KCTD8: variants seen among roughly 807,000 people sequenced by gnomAD.
The protein encoded by KCTD8 is BTB/POZ domain-containing protein KCTD8.
In KCTD8, 27 loss-of-function variants were observed where a neutral mutation model predicts 31.5. The ratio of observed to expected loss-of-function variants is 0.86; its 90% CI spans 0.63 to 1.18. The LOEUF (loss-of-function observed/expected upper bound fraction) is 1.18. KCTD8 is among the 50% of genes most tolerant of loss of function. The probability of loss-of-function intolerance (pLI) is 0.00; values close to 1 mark genes in which losing one functional copy is unlikely to be tolerated. For missense variants in KCTD8, 658 were observed against 647.7 expected (o/e 1.02, Z -0.17); for synonymous variants, 290 against 280.0 (o/e 1.04, Z -0.36).
intron 1 of KCTD8, among the ~76,000 whole-genome samples, chr4:44,213,171 C>G (rs549314716): frequency 3.3e-5 from 5 of 152,132 alleles, no homozygotes; most frequent in Non-Finnish European, 1.5e-5. Context: ...CTCCTGACCT[C>G]GTGATCCGCC....
At chr4:44,284,731 G>A (rs1370955052) in intron 1 of KCTD8, among the ~76,000 whole-genome samples, 1 of 152,100 alleles carries the variant, frequency 6.6e-6, no homozygotes, top group Non-Finnish European at 1.5e-5. Context: ...ATCTGACAAA[G>A]GGCTAATATC....
At chr4:44,310,491 G>A (rs1717918350) in intron 1 of KCTD8, among the ~76,000 whole-genome samples, 1 of 152,028 alleles carries the variant, frequency 6.6e-6, no homozygotes, top group Admixed American at 6.6e-5. Flanking sequence ...TCCTGATATG[G>A]CCTAAACCAC....
intron 1 of KCTD8, among the ~76,000 whole-genome samples, chr4:44,197,715 A>G (rs962395128): frequency 1.2e-4 from 18 of 152,182 alleles, no homozygotes; most frequent in African/African-American, 4.3e-4. Context: ...CTCAGATGGG[A>G]AAAAATCAGC....
intron 1 of KCTD8, among the ~76,000 whole-genome samples, chr4:44,429,885 G>T (rs918929881): frequency 1.3e-5 from 2 of 151,698 alleles, no homozygotes; most frequent in African/African-American, 4.8e-5. Flanking sequence ...TGGGTTCAGT[G>T]TGGACAGGTT....
At chr4:44,177,432 G>A (rs1006371069) in intron 1 of KCTD8, among the ~76,000 whole-genome samples, 3 of 152,106 alleles carry the variant, frequency 2.0e-5, no homozygotes, top group South Asian at 2.1e-4. Flanking sequence ...GCCTACAGGT[G>A]TTGATGTGGT....
chr4:44,266,704 C>A (rs1197799194), intron 1 of KCTD8, among the ~76,000 whole-genome samples: 1 of 151,420 alleles, frequency 6.6e-6, no homozygotes, highest in African/African-American at 2.4e-5. Context: ...GGAAGATCTA[C>A]CAAGCAAATG....
chr4:44,427,352 G>A (rs530158214), intron 1 of KCTD8, among the ~76,000 whole-genome samples: 34 of 151,156 alleles, frequency 2.2e-4, no homozygotes, highest in Non-Finnish European at 3.6e-4. Context: ...TATTAGATAT[G>A]CTTTGGGTAT....
chr4:44,375,205 C>T (rs367589751), intron 1 of KCTD8, among the ~76,000 whole-genome samples: 31 of 152,052 alleles, frequency 2.0e-4, no homozygotes, highest in African/African-American at 5.5e-4. Context: ...TGAGCAGGGG[C>T]GGCCTGCTGA....
chr4:44,393,507 T>C (rs1489843878), intron 1 of KCTD8, among the ~76,000 whole-genome samples: 1 of 150,542 alleles, frequency 6.6e-6, no homozygotes, highest in East Asian at 1.9e-4. Flanking sequence ...AGAACAACTA[T>C]GAAAGTTCAC....
At chr4:44,213,401 T>C (rs1020710163) in intron 1 of KCTD8, among the ~76,000 whole-genome samples, 17 of 152,214 alleles carry the variant, frequency 1.1e-4, no homozygotes, top group Non-Finnish European at 2.5e-4. Flanking sequence ...ATGCCACATG[T>C]AATAAGTGGC....
At chr4:44,198,436 C>T (rs1714013921) in intron 1 of KCTD8, among the ~76,000 whole-genome samples, 1 of 152,106 alleles carries the variant, frequency 6.6e-6, no homozygotes, top group African/African-American at 2.4e-5. Flanking sequence ...CAAAGGGAAA[C>T]TCATGAGGCT....
At chr4:44,286,914 T>C (rs191946547) in intron 1 of KCTD8, among the ~76,000 whole-genome samples, 1 of 152,156 alleles carries the variant, frequency 6.6e-6, no homozygotes, top group East Asian at 1.9e-4. Flanking sequence ...GTTGATTGAG[T>C]GACTGAGGTA....
chr4:44,356,453 T>C, intron 1 of KCTD8, among the ~76,000 whole-genome samples: 1 of 152,218 alleles, frequency 6.6e-6, no homozygotes, highest in East Asian at 1.9e-4. Flanking sequence ...ACACCTTTTC[T>C]ACCTTCTGTA....
chr4:44,344,809 T>C (rs1023890391), intron 1 of KCTD8, among the ~76,000 whole-genome samples: 1 of 152,184 alleles, frequency 6.6e-6, no homozygotes, highest in South Asian at 2.1e-4. Flanking sequence ...CCTATAAATA[T>C]GTGAAAGGAC....
chr4:44,299,506 G>C (rs1378120869), intron 1 of KCTD8, among the ~76,000 whole-genome samples: 1 of 152,068 alleles, frequency 6.6e-6, no homozygotes, highest in Non-Finnish European at 1.5e-5. Context: ...CAAGGCAGGC[G>C]GATCACAAGG....
intron 1 of KCTD8, 145 bp downstream of exon 1, chr4:44,447,418 G>A (rs1343648198): frequency 7.8e-6 from 10 of 1,274,388 alleles, no homozygotes; most frequent in Non-Finnish European, 4.1e-6. Context: ...CTGCATAAGG[G>A]AATCGTGCAG....
At chr4:44,366,396 T>C (rs1035106559) in intron 1 of KCTD8, among the ~76,000 whole-genome samples, 3 of 152,184 alleles carry the variant, frequency 2.0e-5, no homozygotes, top group Non-Finnish European at 2.9e-5. Flanking sequence ...CAAGATCTGA[T>C]ACTTTAAAAG....
At chr4:44,415,960 T>C (rs887908814) in intron 1 of KCTD8, among the ~76,000 whole-genome samples, 2 of 152,116 alleles carry the variant, frequency 1.3e-5, no homozygotes, top group African/African-American at 4.8e-5. Context: ...ATAGTAGCCA[T>C]AGATAGCTTG....
At chr4:44,387,666 A>G (rs1373757907) in intron 1 of KCTD8, among the ~76,000 whole-genome samples, 1 of 151,742 alleles carries the variant, frequency 6.6e-6, no homozygotes, top group African/African-American at 2.4e-5. Context: ...CTGGCTAGCC[A>G]TATACAGAAG....
Sources: gnomAD v4.1 joint callset for allele counts (sites outside exome capture counted in the v4.1 genomes callset) on GRCh38, gnomAD v4.1.1 for gene constraint, MANE v1.5 for transcripts, NCBI Gene and HGNC (gene_info 2026-07-23, HGNC 2026-07-21) for gene names.